Variants in GABRA3 observed in about 807,000 individuals in gnomAD.
GABRA3 encodes the protein gamma-aminobutyric acid type A receptor subunit alpha3.
A neutral mutation model predicts 30.1 loss-of-function variants in GABRA3; 10 were observed. The ratio of observed to expected loss-of-function variants is 0.33; its 90% CI spans 0.20 to 0.56. The LOEUF (loss-of-function observed/expected upper bound fraction) is 0.56. GABRA3 is among the 20% of genes least tolerant of loss of function. The pLI, the probability that GABRA3 is intolerant of heterozygous loss-of-function variation, is 0.89. For synonymous variants in GABRA3, 151 were observed against 146.8 expected, an observed-to-expected ratio of 1.03 and a Z score of -0.21; for missense variants, 233 against 392.0, an observed-to-expected ratio of 0.59 and a Z score of 3.42.
At position 152,309,402 on chromosome X, in the gene GABRA3, G is replaced by A. The variant is rs1365971488; in HGVS notation, c.263-24667C>T. Among the ~76,000 whole-genome samples the A allele has an allele frequency of 3.6e-5, 4 of 110,684 alleles. No individual in the cohort carries two copies. In the Admixed American group the frequency reaches 3.8e-4, roughly 11 times the overall value. ...ACGCAGCTAGAGAAGCTAGAGAGAA[G>A]GGGCAGGTCACCTACAAAGGGAACA... is the stretch of plus-strand genomic sequence containing the variant. On this transcript the variant is annotated intron_variant, in intron 3 of 9. Coordinates refer to ENST00000370314, the MANE Select transcript of GABRA3 (RefSeq NM_000808.4).
chrX:152,401,383 TTAATA>T (rs1388202809), intron 1 of GABRA3, among the ~76,000 whole-genome samples: 1 of 109,771 alleles, frequency 9.1e-6, no homozygotes, highest in Admixed American at 9.7e-5. Flanking sequence ...TGATGTTACA[TTAATA>T]TAATAAATTA....
intron 1 of GABRA3, among the ~76,000 whole-genome samples, chrX:152,434,073 G>A (rs1930716788): frequency 9.0e-6 from 1 of 111,409 alleles, no homozygotes; most frequent in African/African-American, 3.3e-5. Flanking sequence ...AAGTGTGATG[G>A]TCAATACTGA....
intron 3 of GABRA3, among the ~76,000 whole-genome samples, chrX:152,336,482 C>A (rs984690209): frequency 2.7e-5 from 3 of 112,049 alleles, no homozygotes; most frequent in African/African-American, 9.7e-5. Flanking sequence ...ACAATCATCC[C>A]ACCCATCCCA....
intron 7 of GABRA3, among the ~76,000 whole-genome samples, chrX:152,203,957 C>T (rs180952001): frequency 8.9e-6 from 1 of 111,964 alleles, no homozygotes; most frequent in East Asian, 2.8e-4. Flanking sequence ...GCTATTCTCC[C>T]TACCGCAAGA....
At chrX:152,192,450 C>T (rs899709311) in intron 8 of GABRA3, among the ~76,000 whole-genome samples, 8 of 111,715 alleles carry the variant, frequency 7.2e-5, no homozygotes, top group Non-Finnish European at 1.5e-4. Flanking sequence ...TTCTCAGGCA[C>T]AGCCAAGTAG....
At chrX:152,218,407 G>C (rs756403406) in intron 6 of GABRA3, among the ~76,000 whole-genome samples, 12 of 110,769 alleles carry the variant, frequency 1.1e-4, no homozygotes, top group African/African-American at 3.6e-4. Context: ...AATGTTCCAT[G>C]TGCACTTGAG....
At chrX:152,382,461 C>T (rs1411474122) in intron 1 of GABRA3, among the ~76,000 whole-genome samples, 1 of 112,115 alleles carries the variant, frequency 8.9e-6, no homozygotes, top group African/African-American at 3.2e-5. Flanking sequence ...ATCATTCTAC[C>T]ATAAAGGGAG....
intron 6 of GABRA3, among the ~76,000 whole-genome samples, chrX:152,217,292 T>C (rs1347560177): frequency 1.8e-5 from 2 of 111,422 alleles, no homozygotes; most frequent in Middle Eastern, 4.6e-3. Flanking sequence ...CTGGGAAAAA[T>C]CTCACTTAAA....
At chrX:152,407,291 C>T (rs1929960781) in intron 1 of GABRA3, among the ~76,000 whole-genome samples, 1 of 111,126 alleles carries the variant, frequency 9.0e-6, no homozygotes, top group Admixed American at 9.5e-5. Flanking sequence ...AAAATGAAAA[C>T]TTGTTTTTAA....
chrX:152,414,704 A>G (rs1371505548), intron 1 of GABRA3, among the ~76,000 whole-genome samples: 1 of 110,684 alleles, frequency 9.0e-6, no homozygotes, highest in Admixed American at 9.7e-5. Context: ...AATGATTTGA[A>G]AGTTTATTTA....
intron 1 of GABRA3, among the ~76,000 whole-genome samples, chrX:152,371,184 C>A (rs191225651): frequency 2.3e-3 from 252 of 111,255 alleles, no homozygotes; most frequent in African/African-American, 8.1e-3. Context: ...GTCCCACGAT[C>A]CTTTTGCACT....
At position 152,212,510 on chromosome X, in the gene GABRA3, C is replaced by A. The variant is rs1937644477; in HGVS notation, c.635-4366G>T. Among the ~76,000 whole-genome samples, 3 of 108,885 alleles carry A rather than the reference C, an allele frequency of 2.8e-5. No homozygotes were observed. In the Admixed American group the frequency reaches 3.0e-4, roughly 11 times the overall value. The allele number at this position is 108,885 out of a possible 115,157, so 94.6% of individuals were successfully genotyped here. On this transcript the variant is annotated intron_variant, in intron 6 of 9. Coordinates refer to ENST00000370314, the MANE Select transcript of GABRA3 (RefSeq NM_000808.4). ...GGACATGCCTAAAGGAGAGAGATGACATGACCAGATATAAGCTTGGGAAGG... is the reference window on the plus strand; with the variant it reads ...GGACATGCCTAAAGGAGAGAGATGAAATGACCAGATATAAGCTTGGGAAGG...
At chrX:152,315,985 C>CCA (rs1939872479) in intron 3 of GABRA3, among the ~76,000 whole-genome samples, 1 of 84,117 alleles carries the variant, frequency 1.2e-5, no homozygotes, top group Non-Finnish European at 2.4e-5. Context: ...CCCCCCCCCC[C>CCA]ACCACATGAT....
intron 5 of GABRA3, among the ~76,000 whole-genome samples, chrX:152,254,003 CT>C (rs1938597799): frequency 8.9e-6 from 1 of 111,997 alleles, no homozygotes; most frequent in South Asian, 3.7e-4. Context: ...CTACCCATCT[CT>C]TTAGCATTTT....
At chrX:152,292,625 T>G (rs1939443157) in intron 3 of GABRA3, among the ~76,000 whole-genome samples, 1 of 111,760 alleles carries the variant, frequency 8.9e-6, no homozygotes, top group Admixed American at 9.6e-5. Flanking sequence ...TCTCTAGTTC[T>G]TTTAATTATG....
intron 1 of GABRA3, among the ~76,000 whole-genome samples, chrX:152,432,106 A>T (rs780608540): frequency 2.7e-5 from 3 of 111,920 alleles, no homozygotes; most frequent in Admixed American, 1.9e-4. Context: ...GTTATACTGA[A>T]ATTAAAAGAG....
At chrX:152,383,388 C>CAAAAAAAAA (rs34736587) in intron 1 of GABRA3, among the ~76,000 whole-genome samples, 3 of 35,455 alleles carry the variant, frequency 8.5e-5, no homozygotes, top group East Asian at 9.5e-4. Flanking sequence ...GACTCCATCT[C>CAAAAAAAAA]AAAAAAAAAA....
chrX:152,319,637 A>C (rs1044108716), intron 3 of GABRA3, among the ~76,000 whole-genome samples: 4 of 111,839 alleles, frequency 3.6e-5, no homozygotes, highest in Non-Finnish European at 3.8e-5. Flanking sequence ...GAAAGATGAC[A>C]TCAGAAAAAA....
intron 4 of GABRA3, among the ~76,000 whole-genome samples, chrX:152,267,398 G>T (rs541772550): frequency 9.0e-6 from 1 of 111,643 alleles, no homozygotes; most frequent in South Asian, 3.7e-4. Context: ...TTAATGTATT[G>T]TTGTATTTGC....
Sources: gnomAD v4.1 joint callset for allele counts (sites outside exome capture counted in the v4.1 genomes callset) on GRCh38, gnomAD v4.1.1 for gene constraint, MANE v1.5 for transcripts, NCBI Gene and HGNC (gene_info 2026-07-23, HGNC 2026-07-21) for gene names.